The following TRAF3IP2 variants were observed in gnomAD, a reference collection of about 807,000 sequenced individuals.
The protein encoded by TRAF3IP2 is E3 ubiquitin ligase TRAF3IP2.
Under a neutral mutation model 57.9 loss-of-function variants are expected in TRAF3IP2, and 35 were observed. The observed-to-expected ratio is 0.60, with a 90% confidence interval of 0.46 to 0.80. The LOEUF (loss-of-function observed/expected upper bound fraction) is 0.80. Ranked by LOEUF, TRAF3IP2 falls within the 30% of genes least tolerant of loss-of-function variation. The probability of loss-of-function intolerance (pLI) is 0.00; values close to 1 mark genes in which losing one functional copy is unlikely to be tolerated. For synonymous variants in TRAF3IP2, 251 were observed against 268.9 expected (o/e 0.93, Z 0.65); for missense variants, 556 against 706.4 (o/e 0.79, Z 2.41).
rs1467955861 is a variant in TRAF3IP2, at chr6:111,591,177, G to A, written c.829+81C>T. ...ATTCTGACCTGTTCATGCCAGCCTA[G>A]TGACACGAAGCATTGATGTGAGGCC... On this transcript the variant is annotated intron_variant, in intron 2 of 8. Transcript: ENST00000368761. The surrounding 1 kb of genome is among the most constrained non-coding windows in gnomAD (Gnocchi z 4.9). The A allele has an allele frequency of 5.2e-6, 6 of 1,151,758 alleles. No individual in the cohort carries two copies. The highest frequency in any genetic ancestry group is 7.2e-6 in the Non-Finnish European group (6 of 836,582). 71.3% of individuals were successfully genotyped at this position (1,151,758 alleles called of 1,614,324 possible).
chr6:111,593,383 G>A (rs911173006), intron 1 of TRAF3IP2, among the ~76,000 whole-genome samples: 5 of 152,312 alleles, frequency 3.3e-5, no homozygotes, highest in Admixed American at 3.3e-4. Flanking sequence ...GTTTCGGAGA[G>A]CATGAATTCA....
intron 1 of TRAF3IP2, among the ~76,000 whole-genome samples, chr6:111,595,448 G>A (rs547826332): frequency 6.6e-6 from 1 of 152,308 alleles, no homozygotes; most frequent in Non-Finnish European, 1.5e-5. Context: ...ACTCAATGCT[G>A]TGTATCCCCC....
intron 5 of TRAF3IP2, among the ~76,000 whole-genome samples, chr6:111,571,124 G>A (rs1288345008): frequency 6.7e-6 from 1 of 148,430 alleles, no homozygotes; most frequent in Non-Finnish European, 1.5e-5. Flanking sequence ...CACCCAGGCT[G>A]GAGTGCAGTG....
chr6:111,573,041 A>C, intron 4 of TRAF3IP2, 58 bp from the exon 5 acceptor site: 1 of 1,328,818 alleles, frequency 7.5e-7, no homozygotes, highest in Admixed American at 1.8e-5. Flanking sequence ...TTGTAAACAA[A>C]CTTCTAAATT....
In TRAF3IP2 at chr6:111,575,644, C is replaced by A. The variant is rs752970544; in HGVS notation, c.1200G>T (p.Leu400Phe). The change falls in exon 4 of 9, where the codon TTG (leucine) becomes TTT (phenylalanine). Residue 400 changes from leucine to phenylalanine, a missense_variant and splice_region_variant. Physicochemically the swap from Leu to Phe is conservative, Grantham distance 22 (BLOSUM62 0). Transcript: ENST00000368761. The stretch of plus-strand genomic sequence containing the variant: ...AGAACAATGTTGCAAACAACTTACG[C>A]AATTCTTCTGGCAAATTGCTTGTTT... The part of the protein sequence containing the change: ...TLKTSNLPEE[L>F]RKVFITYSMD... 8 of 1,608,892 alleles carry A rather than the reference C, an allele frequency of 5.0e-6. No homozygotes were observed. The East Asian group carries it at 1.6e-4, about 31-fold the overall frequency.
Position 111,558,420 on chromosome 6 carries a change from A to C in TRAF3IP2, c.*985T>G, listed in dbSNP as rs781582102. ...GCTATATAAAGTTGTTTTGTTAAAA[A>C]TGGGTGTTTTTATTTGTTTGTTTGT... On this transcript the variant is annotated 3_prime_UTR_variant, in exon 9 of 9. Coordinates refer to ENST00000368761, the MANE Select transcript of TRAF3IP2 (RefSeq NM_147686.4). The C allele has an allele frequency of 6.6e-6, 1 of 152,194 alleles. No individual in the cohort carries two copies. Among genetic ancestry groups the C allele is most frequent in the Non-Finnish European group, 1.5e-5 (1 of 68,026 alleles). 9.4% of individuals were successfully genotyped at this position (152,194 alleles called of 1,614,324 possible). A position where few individuals can be genotyped will look rare whatever the true frequency, so the allele number is the denominator to read the frequency against.
At chr6:111,572,073 C>T (rs2128373950) in intron 5 of TRAF3IP2, among the ~76,000 whole-genome samples, 1 of 152,280 alleles carries the variant, frequency 6.6e-6, no homozygotes, top group African/African-American at 2.4e-5. Context: ...TAATTTTTCA[C>T]CACTCTCTAG....
chr6:111,580,398 G>T lies in TRAF3IP2; in HGVS notation c.830-9C>A. 1 of 1,534,906 alleles carries T rather than the reference G, an allele frequency of 6.5e-7. No homozygotes were observed. Among genetic ancestry groups the T allele is most frequent in the South Asian group, 1.3e-5 (1 of 77,218 alleles). On this transcript the variant is annotated splice_polypyrimidine_tract_variant and intron_variant, in intron 2 of 8. Transcript: ENST00000368761. ...AGGGTAGTCATGGCCATCTGTAGGTGAAGACAACAAAGACAACAGGGAACA... is the reference window on the plus strand; with the variant it reads ...AGGGTAGTCATGGCCATCTGTAGGTTAAGACAACAAAGACAACAGGGAACA...
rs1255883669 is a variant in TRAF3IP2, at chr6:111,559,412, G to A, written c.1691C>T (p.Pro564Leu). The stretch of plus-strand genomic sequence containing the variant: ...ATCTGGGGATGAACGGTGTCACAAG[G>A]GAACCACCTGAAGGGTGGGCAGAGG... ...RGPLPTLQVV[P>L]L The change falls in exon 9 of 9, where the codon CCC becomes CTC. Residue 564 changes from proline to leucine, a missense_variant. By Grantham distance (98) the Pro-to-Leu change is moderately conservative (BLOSUM62 -3). This residue lies in a region of TRAF3IP2 where 128 missense variants were observed against 207.7 expected (regional missense o/e 0.62). Coordinates refer to ENST00000368761, the MANE Select transcript of TRAF3IP2 (RefSeq NM_147686.4). The A allele has an allele frequency of 1.2e-6, 2 of 1,613,470 alleles. No individual in the cohort carries two copies. The highest frequency in any genetic ancestry group is 1.1e-5 in the South Asian group (1 of 91,026).
intron 6 of TRAF3IP2, chr6:111,566,924 C>G (rs1795660478): frequency 5.7e-6 from 2 of 351,646 alleles, no homozygotes; most frequent in Admixed American, 4.3e-5. Context: ...CCAGCTGGTT[C>G]TGAGCTGCCA....
chr6:111,595,596 A>C (rs554658790), intron 1 of TRAF3IP2, among the ~76,000 whole-genome samples: 1 of 152,158 alleles, frequency 6.6e-6, no homozygotes, highest in African/African-American at 2.4e-5. Context: ...TTGGGAGGCC[A>C]AGGCGGGCAG....
intron 1 of TRAF3IP2, among the ~76,000 whole-genome samples, chr6:111,604,148 C>T (rs1021107524): frequency 6.6e-5 from 10 of 152,188 alleles, no homozygotes; most frequent in African/African-American, 2.2e-4. Flanking sequence ...AAAAGTCCTG[C>T]ACCAGCCCAT....
chr6:111,579,601 G>T (rs528739558), intron 3 of TRAF3IP2, among the ~76,000 whole-genome samples: 39 of 152,130 alleles, frequency 2.6e-4, no homozygotes, highest in Middle Eastern at 3.4e-3. Flanking sequence ...GCATGGTGGC[G>T]CATGCTTCTA....
chr6:111,569,345 C>T (rs2128372773), intron 5 of TRAF3IP2, among the ~76,000 whole-genome samples: 1 of 152,354 alleles, frequency 6.6e-6, no homozygotes, highest in African/African-American at 2.4e-5. Flanking sequence ...ATCTTATCTT[C>T]ACTTGTAATA....
intron 1 of TRAF3IP2, chr6:111,600,419 T>C (rs1183523804): frequency 6.6e-6 from 1 of 152,270 alleles, no homozygotes; most frequent in African/African-American, 2.4e-5. Flanking sequence ...TTGCCATTCC[T>C]GTTTTACAGA....
chr6:111,592,214 G>C, intron 1 of TRAF3IP2, 120 bp from the exon 2 acceptor site: 1 of 856,298 alleles, frequency 1.2e-6, no homozygotes, highest in South Asian at 1.7e-5. Context: ...AGACACCAAT[G>C]TGCTTGCAAA....
rs367784420 is a variant in TRAF3IP2 at position 111,566,496 on chromosome 6, G to A, written c.1424C>T (p.Ser475Leu). 1.7e-5 allele frequency: 28 copies of A among 1,614,056 alleles called. No individual in the cohort carries two copies. Among genetic ancestry groups the A allele is most frequent in the South Asian group, 3.3e-5 (3 of 91,072 alleles). ...GCCATGCTCATCCTCGTCCAGCTGCGACTCAGCGCCTTCCACGTCCTGTTT... is the reference window on the plus strand; with the variant it reads ...GCCATGCTCATCCTCGTCCAGCTGCAACTCAGCGCCTTCCACGTCCTGTTT... ...KYKQDVEGAESQLDEDEHGLH... is the reference protein window; with the variant it reads ...KYKQDVEGAELQLDEDEHGLH... The change falls in exon 7 of 9, where the codon TCG becomes TTG. Residue 475 changes from serine to leucine, a missense_variant. This residue lies in a region of TRAF3IP2 where 128 missense variants were observed against 207.7 expected (regional missense o/e 0.62). Coordinates refer to ENST00000368761, the MANE Select transcript of TRAF3IP2 (RefSeq NM_147686.4).
At chr6:111,604,988 G>A (rs1796975013) in intron 1 of TRAF3IP2, among the ~76,000 whole-genome samples, 1 of 152,026 alleles carries the variant, frequency 6.6e-6, no homozygotes, top group African/African-American at 2.4e-5. Flanking sequence ...AGTGGAGTCA[G>A]AGTGAATTGC....
At chr6:111,583,924 C>T (rs1562429575) in intron 2 of TRAF3IP2, among the ~76,000 whole-genome samples, 2 of 152,030 alleles carry the variant, frequency 1.3e-5, no homozygotes, top group Admixed American at 6.6e-5. Flanking sequence ...AGGAGAAACA[C>T]AAGGTAAAAG....
Sources: gnomAD v4.1 joint callset for allele counts (sites outside exome capture counted in the v4.1 genomes callset) on GRCh38, gnomAD v4.1.1 for gene constraint, gnomAD v4.1.1 regional missense constraint, Gnocchi (gnomAD v3.1) non-coding constraint, MANE v1.5 for transcripts, NCBI Gene and HGNC (gene_info 2026-07-23, HGNC 2026-07-21) for gene names.